HAS3: variants seen among roughly 807,000 people sequenced by gnomAD.
HAS3 encodes the protein hyaluronan synthase 3.
A neutral mutation model predicts 50.3 loss-of-function variants in HAS3; 27 were observed. The observed-to-expected ratio is 0.54, with a 90% CI of 0.40 to 0.74. The LOEUF (loss-of-function observed/expected upper bound fraction) is 0.74. Ranked by LOEUF, HAS3 falls within the 30% of genes least tolerant of loss-of-function variation. The probability of loss-of-function intolerance (pLI) is 0.00; values close to 1 mark genes in which losing one functional copy is unlikely to be tolerated. For synonymous variants in HAS3, 339 were observed against 310.9 expected (o/e 1.09, Z -0.95); for missense variants, 517 against 742.8 (o/e 0.70, Z 3.53).
At chr16:69,092,145 G>A in the HAS3 span, among the ~76,000 whole-genome samples, 1 of 152,300 alleles carries the variant, frequency 6.6e-6, no homozygotes, top group Admixed American at 6.5e-5. Flanking sequence ...GCACACACGA[G>A]GCTAATTGCC....
chr16:69,094,339 C>A, the HAS3 span, among the ~76,000 whole-genome samples: 1 of 152,024 alleles, frequency 6.6e-6, no homozygotes, highest in African/African-American at 2.4e-5. Flanking sequence ...GCCACCCCCA[C>A]CACACACACA....
chr16:69,093,983 AATT>A, the HAS3 span, among the ~76,000 whole-genome samples: 1 of 152,192 alleles, frequency 6.6e-6, no homozygotes, highest in Non-Finnish European at 1.5e-5. Context: ...CAGAGAGGTC[AATT>A]ATTGCAAATA....
the HAS3 span, among the ~76,000 whole-genome samples, chr16:69,091,606 G>A: frequency 1.3e-5 from 2 of 151,938 alleles, no homozygotes; most frequent in African/African-American, 4.8e-5. Flanking sequence ...AATAATTCAG[G>A]ACTAGGAAGC....
At chr16:69,088,687 C>T in the HAS3 span, among the ~76,000 whole-genome samples, 18 of 152,128 alleles carry the variant, frequency 1.2e-4, no homozygotes, top group Admixed American at 4.6e-4. Flanking sequence ...GGTAGCCTCG[C>T]TGAGAAGTTG....
chr16:69,093,523 CTT>C, the HAS3 span, among the ~76,000 whole-genome samples: 462 of 87,422 alleles, frequency 5.3e-3, 5 homozygotes, highest in South Asian at 0.055. Flanking sequence ...TACAGTGTAT[CTT>C]TTTTTTTTTT....
chr16:69,115,522 AC>A lies in HAS3; in HGVS notation c.*257del. On this transcript the variant is annotated 3_prime_UTR_variant, in exon 4 of 4. Transcript: ENST00000569188. ...AGACTGCCTGTCTGCTTGCATCTGC[AC>A]ATAGGCAGTAGCCTCCTCCTGGGCT... The A allele has an allele frequency of 2.5e-6, 3 of 1,208,428 alleles. No individual in the cohort carries two copies. Among genetic ancestry groups the A allele is most frequent in the Non-Finnish European group, 3.1e-6 (3 of 971,436 alleles). 74.9% of individuals were successfully genotyped at this position (1,208,428 alleles called of 1,614,324 possible). A position where few individuals can be genotyped will look rare whatever the true frequency, so the allele number is the denominator to read the frequency against.
Position 69,115,275 on chromosome 16 carries a change from C to A in HAS3, c.*9C>A. 6.6e-7 allele frequency: 1 copy of A among 1,511,886 alleles called. No homozygotes were observed. 93.7% of individuals were successfully genotyped at this position (1,511,886 alleles called of 1,614,324 possible). A position where few individuals can be genotyped will look rare whatever the true frequency, so the allele number is the denominator to read the frequency against. On this transcript the variant is annotated 3_prime_UTR_variant, in exon 4 of 4. Transcript: ENST00000569188. ...CTTTTGCTGAGGTGTGACATGGCCCCCAAGCAGAGCGGGTAAAGTGCAATG... is the reference window on the plus strand; with the variant it reads ...CTTTTGCTGAGGTGTGACATGGCCCACAAGCAGAGCGGGTAAAGTGCAATG...
chr16:69,115,127 C>T lies in HAS3; in HGVS notation c.1523C>T (p.Thr508Ile). ...TATTGCCAGGACCTGTTCAGTGAGACAGAGCTAGCCTTCCTTGTCTCTGGG... is the reference window on the plus strand; with the variant it reads ...TATTGCCAGGACCTGTTCAGTGAGATAGAGCTAGCCTTCCTTGTCTCTGGG... ...TAYCQDLFSE[T>I]ELAFLVSGAI... Residue 508 changes from threonine (T) to isoleucine (I), a missense_variant, in exon 4 of 4, where the codon ACA becomes ATA. By Grantham distance (89) the Thr-to-Ile change is moderately conservative (BLOSUM62 -1). Coordinates refer to ENST00000569188, the MANE Select transcript of HAS3 (RefSeq NM_001199280.2). 6.2e-7 allele frequency: 1 copy of T among 1,610,626 alleles called. No homozygotes were observed.
chr16:69,115,208 T>A lies in HAS3; in HGVS notation c.1604T>A (p.Ile535Asn), dbSNP rs1961141125. 6.4e-7 allele frequency: 1 copy of A among 1,551,728 alleles called. No homozygotes were observed. The highest frequency in any genetic ancestry group is 8.7e-7 in the Non-Finnish European group (1 of 1,149,908). ...CTCCTCATGCTATATCTGGCCATCA[T>A]CGCCCGGCGATGTGGGAAGAAGCCG... The part of the protein sequence containing the change: ...VALLMLYLAI[I>N]ARRCGKKPEQ... Residue 535 changes from isoleucine to asparagine, a missense_variant, in exon 4 of 4, where the codon ATC (isoleucine) becomes AAC (asparagine). Ile to Asn is a moderately radical substitution (Grantham distance 149). Coordinates refer to ENST00000569188, the MANE Select transcript of HAS3 (RefSeq NM_001199280.2).
rs530491358 is a variant in HAS3, at chr16:69,115,709, G to A, written c.*443G>A. The A allele has an allele frequency of 1.0e-5, 10 of 989,868 alleles. No individual in the cohort carries two copies. Among genetic ancestry groups the A allele is most frequent in the Non-Finnish European group, 1.1e-5 (9 of 833,232 alleles). 61.3% of individuals were successfully genotyped at this position (989,868 alleles called of 1,614,324 possible). ...GAATTTCTACTGAGCGAGCTGGGCCGGTTAGTGTATGTCACCCCCACCCCA... is the reference window on the plus strand; with the variant it reads ...GAATTTCTACTGAGCGAGCTGGGCCAGTTAGTGTATGTCACCCCCACCCCA... On this transcript the variant is annotated 3_prime_UTR_variant, in exon 4 of 4. Transcript: ENST00000569188.
Position 69,114,791 on chromosome 16 carries a change from C to G in HAS3, c.1187C>G (p.Thr396Arg). ...TTCTTCCCCTTCTTCCTCATTGCCACGGTTATACAGCTTTTCTACCGGGGC... is the reference window on the plus strand; with the variant it reads ...TTCTTCCCCTTCTTCCTCATTGCCAGGGTTATACAGCTTTTCTACCGGGGC... ...TGFFPFFLIA[T>R]VIQLFYRGRI... Residue 396 changes from threonine to arginine, a missense_variant, in exon 4 of 4, where the codon ACG (threonine) becomes AGG (arginine). Thr to Arg is a moderately conservative substitution (Grantham distance 71, BLOSUM62 -1). Transcript: ENST00000569188. The surrounding 1 kb of genome is among the most constrained non-coding windows in gnomAD (Gnocchi z 6.4). 1 of 1,614,132 alleles carries G rather than the reference C, an allele frequency of 6.2e-7. No homozygotes were observed. Among genetic ancestry groups the G allele is most frequent in the Non-Finnish European group, 8.5e-7 (1 of 1,180,014 alleles).
chr16:69,118,667 C>T (rs1961360330), downstream of HAS3: 1 of 684,036 alleles, frequency 1.5e-6, no homozygotes, highest in African/African-American at 1.8e-5. Flanking sequence ...TGCCACAGTT[C>T]ACATGCCACA....
At chr16:69,097,110 C>G in the HAS3 span, among the ~76,000 whole-genome samples, 7 of 152,084 alleles carry the variant, frequency 4.6e-5, no homozygotes, top group African/African-American at 9.6e-5. Context: ...CGTGATTGCA[C>G]CACTGCACTC....
At chr16:69,105,957 G>A (rs1280362658) in intron 1 of HAS3, among the ~76,000 whole-genome samples, 170 bp downstream of exon 1, 1 of 152,240 alleles carries the variant, frequency 6.6e-6, no homozygotes, top group African/African-American at 2.4e-5. Context: ...GCAGAGCCGC[G>A]TGGCCTTCGG....
At chr16:69,085,236 C>T in the HAS3 span, 2 of 152,344 alleles carry the variant, frequency 1.3e-5, no homozygotes, top group African/African-American at 4.8e-5. Flanking sequence ...TTGCACAATC[C>T]ATTTTACTTA....
In HAS3 at chr16:69,116,397, G is replaced by A. The variant is rs1288309257; in HGVS notation, c.*1131G>A. The A allele has an allele frequency of 1.0e-6, 1 of 985,884 alleles. No individual in the cohort carries two copies. Among genetic ancestry groups the A allele is most frequent in the Non-Finnish European group, 1.2e-6 (1 of 829,906 alleles). The allele number at this position is 985,884 out of a possible 1,614,324, so 61.1% of individuals were successfully genotyped here. On this transcript the variant is annotated 3_prime_UTR_variant, in exon 4 of 4. Transcript: ENST00000569188. ...TTGGCTACAATCTTGGAGCTGCTTG[G>A]ACGGATTCCTTGGCAGCCGGGTTAG... is the stretch of plus-strand genomic sequence containing the variant.
chr16:69,100,112 G>A, the HAS3 span, among the ~76,000 whole-genome samples: 6 of 152,066 alleles, frequency 3.9e-5, no homozygotes, highest in Non-Finnish European at 8.8e-5. Flanking sequence ...CCATTCTAAC[G>A]GCAGCACAGG....
chr16:69,090,956 G>A, the HAS3 span, among the ~76,000 whole-genome samples: 40 of 152,270 alleles, frequency 2.6e-4, no homozygotes, highest in East Asian at 6.2e-3. Flanking sequence ...GCACACAAGA[G>A]GCAAATTACT....
Position 69,114,347 on chromosome 16 carries a change from TCAA to T in HAS3, c.747_749del (p.Asn249del). 3 of 1,595,230 alleles carry T rather than the reference TCAA, an allele frequency of 1.9e-6. No individual in the cohort carries two copies. Among genetic ancestry groups the T allele is most frequent in the Non-Finnish European group, 2.6e-6 (3 of 1,174,994 alleles). ...AGCATCTCTATTCCCTTGCAGATCC[TCAA>T]CAAGTACGACTCATGGATTTCCTTC... On this transcript the variant is annotated inframe_deletion, in exon 4 of 4. Transcript: ENST00000569188. This position sits in a 1 kb window ranked among gnomAD's most constrained non-coding sequence, Gnocchi z 6.4.
Sources: allele counts gnomAD v4.1 joint callset (sites outside exome capture counted in the v4.1 genomes callset), GRCh38; gene constraint gnomAD v4.1.1; non-coding constraint Gnocchi (gnomAD v3.1); transcripts MANE v1.5; gene names NCBI Gene and HGNC (gene_info 2026-07-23, HGNC 2026-07-21).